The following MAP3K19 variants were observed in gnomAD, a reference collection of about 807,000 sequenced individuals.
MAP3K19 encodes mitogen-activated protein kinase kinase kinase 19.
MAP3K19 carries 91 observed loss-of-function variants against 114.4 expected under a neutral mutation model. The ratio of observed to expected loss-of-function variants is 0.80; its 90% CI spans 0.67 to 0.95. The LOEUF (loss-of-function observed/expected upper bound fraction) is 0.95, where lower values mean the gene tolerates loss of function less well. Among genes scored for constraint, MAP3K19 ranks in the 40% least tolerant of loss-of-function variants. The probability of loss-of-function intolerance (pLI) is 0.00; values close to 1 mark genes in which losing one functional copy is unlikely to be tolerated. For missense variants in MAP3K19, 1,471 were observed against 1,573.2 expected (o/e 0.94, Z 1.10); for synonymous variants, 518 against 530.5 (o/e 0.98, Z 0.32).
intron 12 of MAP3K19, among the ~76,000 whole-genome samples, chr2:134,977,644 G>A (rs1684337209): frequency 6.6e-6 from 1 of 152,026 alleles, no homozygotes; most frequent in Non-Finnish European, 1.5e-5. Context: ...TTACTGGCGT[G>A]AGCCACCGCG....
At chr2:134,973,910 C>T (rs1684044009) in intron 12 of MAP3K19, among the ~76,000 whole-genome samples, 1 of 152,168 alleles carries the variant, frequency 6.6e-6, no homozygotes, top group African/African-American at 2.4e-5. Flanking sequence ...CTGTGAAAGA[C>T]TTTCTCCATT....
chr2:134,985,884 A>C lies in MAP3K19; in HGVS notation c.2988T>G (p.Asp996Glu). 6.2e-7 allele frequency: 1 copy of C among 1,613,906 alleles called. No homozygotes were observed. The highest frequency in any genetic ancestry group is 2.2e-5 in the East Asian group (1 of 44,852). The stretch of plus-strand genomic sequence containing the variant: ...TGAGGACAAGATTTAGGTTTTCAGG[A>C]TCTGTTTCATTTGCCATTTTTTGGC... ...NSCQKMANET[D>E]PENLNLVLRW... Residue 996 changes from aspartate (D) to glutamate (E), a missense_variant, in exon 10 of 13, where the codon GAT becomes GAG. Asp to Glu is a conservative substitution (Grantham distance 45, BLOSUM62 2). Coordinates refer to ENST00000392915, the MANE Select transcript of MAP3K19 (RefSeq NM_025052.5).
In MAP3K19 at chr2:134,964,679, TGAG is replaced by T. The variant is rs1284916476; in HGVS notation, c.*168_*170del. ...ACTATGAGTAATAATGTCTGACACT[TGAG>T]GAGGCTAATATGTAACTGCAACTTT... On this transcript the variant is annotated 3_prime_UTR_variant, in exon 13 of 13. Coordinates refer to ENST00000392915, the MANE Select transcript of MAP3K19 (RefSeq NM_025052.5). 1 of 477,252 alleles carries T rather than the reference TGAG, an allele frequency of 2.1e-6. No homozygotes were observed. The highest frequency in any genetic ancestry group is 4.7e-4 in the Middle Eastern group (1 of 2,112). The allele number at this position is 477,252 out of a possible 1,614,324, so 29.6% of individuals were successfully genotyped here. A position where few individuals can be genotyped will look rare whatever the true frequency, so the allele number is the denominator to read the frequency against.
intron 3 of MAP3K19, among the ~76,000 whole-genome samples, chr2:135,030,025 G>C (rs945976431): frequency 2.6e-5 from 4 of 152,156 alleles, no homozygotes; most frequent in Non-Finnish European, 4.4e-5. Context: ...AGTTGATAGT[G>C]GTCCTCTGGA....
intron 5 of MAP3K19, 26 bp from the exon 6 acceptor site, chr2:135,005,557 C>T (rs1424555030): frequency 6.4e-7 from 1 of 1,565,008 alleles, no homozygotes; most frequent in Non-Finnish European, 8.8e-7. Context: ...ATTCAAAACT[C>T]AGTTATTAGT....
intron 3 of MAP3K19, among the ~76,000 whole-genome samples, chr2:135,026,769 A>T (rs1688266880): frequency 6.6e-6 from 1 of 152,250 alleles, no homozygotes; most frequent in African/African-American, 2.4e-5. Flanking sequence ...TTTCTGAAAT[A>T]ATTAGTAATA....
intron 6 of MAP3K19, among the ~76,000 whole-genome samples, chr2:135,001,032 G>T (rs1341010778): frequency 6.6e-6 from 1 of 151,596 alleles, no homozygotes; most frequent in Non-Finnish European, 1.5e-5. Flanking sequence ...AAGGACTTTG[G>T]ATATATTTGT....
intron 11 of MAP3K19, among the ~76,000 whole-genome samples, chr2:134,981,871 ATTTCT>A (rs1684679604): frequency 7.1e-6 from 1 of 140,708 alleles, no homozygotes; most frequent in Non-Finnish European, 1.5e-5. Context: ...TGCCTCAGAG[ATTTCT>A]TTTCTTTTTT....
chr2:135,034,676 C>T (rs923918290), intron 2 of MAP3K19, among the ~76,000 whole-genome samples: 3 of 141,310 alleles, frequency 2.1e-5, no homozygotes, highest in East Asian at 2.1e-4. Context: ...GGCGTGGTGG[C>T]GCGCTACAGG....
intron 9 of MAP3K19, among the ~76,000 whole-genome samples, chr2:134,990,288 G>A (rs1389094132): frequency 6.6e-6 from 1 of 152,078 alleles, no homozygotes. Flanking sequence ...ACCTATATGT[G>A]GATTTTCTTC....
intron 3 of MAP3K19, among the ~76,000 whole-genome samples, chr2:135,029,442 T>G (rs1247691741): frequency 2.0e-5 from 3 of 152,328 alleles, no homozygotes; most frequent in Non-Finnish European, 4.4e-5. Context: ...CACCATTAAG[T>G]AAAATACATT....
chr2:134,983,215 C>A (rs758521261), intron 11 of MAP3K19: 2 of 533,614 alleles, frequency 3.7e-6, no homozygotes, highest in Admixed American at 1.9e-5. Flanking sequence ...ATCTCTTATG[C>A]AGTTCACAAA....
Position 134,987,337 on chromosome 2 carries a change from A to G in MAP3K19, c.1535T>C (p.Ile512Thr). ...KPSLQTRKGT[I>T]HNNHSVNIPV... ...TATGTTGACACTATGGTTGTTATGA[A>G]TGGTTCCCTTTCTTGTTTGGAGGCT... The change falls in exon 10 of 13, where the codon ATT becomes ACT. Residue 512 changes from isoleucine to threonine, a missense_variant. Transcript: ENST00000392915. 1 of 1,613,990 alleles carries G rather than the reference A, an allele frequency of 6.2e-7. No homozygotes were observed. The highest frequency in any genetic ancestry group is 8.5e-7 in the Non-Finnish European group (1 of 1,180,002).
rs1391637112 is a variant in MAP3K19, at chr2:134,986,690, T to G, written c.2182A>C (p.Thr728Pro). 3 of 1,614,058 alleles carry G rather than the reference T, an allele frequency of 1.9e-6. No homozygotes were observed. The highest frequency in any genetic ancestry group is 1.7e-5 in the Admixed American group (1 of 60,004). ...QKKTHMKCPK[T>P]SFGIKQEHKV... is the part of the protein sequence containing the mutation. ...TGCTCTTGTTTAATGCCAAATGAAGTCTTTGGGCATTTCATATGTGTTTTT... is the reference window on the plus strand; with the variant it reads ...TGCTCTTGTTTAATGCCAAATGAAGGCTTTGGGCATTTCATATGTGTTTTT... The change falls in exon 10 of 13, where the codon ACT becomes CCT. Residue 728 changes from threonine (T) to proline (P), a missense_variant. Thr to Pro is a conservative substitution (Grantham distance 38). Coordinates refer to ENST00000392915, the MANE Select transcript of MAP3K19 (RefSeq NM_025052.5).
At position 135,015,412 on chromosome 2, in the gene MAP3K19, G is replaced by C. The variant is rs532635111; in HGVS notation, c.138+6303C>G. 1.6e-4 allele frequency among the ~76,000 whole-genome samples: 25 copies of C among 152,210 alleles called. No homozygotes were observed. In the South Asian group the frequency reaches 5.0e-3, roughly 30 times the overall value. ...GCCTATCTGTTCCTAATTTGTGGGA[G>C]TTTTTAAATTTTTTCTGAATGCAGG... On this transcript the variant is annotated intron_variant, in intron 5 of 12. Transcript: ENST00000392915.
intron 5 of MAP3K19, among the ~76,000 whole-genome samples, chr2:135,016,100 G>GA (rs1364952246): frequency 2.0e-5 from 3 of 151,954 alleles, no homozygotes; most frequent in African/African-American, 7.3e-5. Context: ...AAAACAAATT[G>GA]AAAAAAATTA....
intron 1 of MAP3K19, among the ~76,000 whole-genome samples, chr2:135,042,435 G>T (rs1688663535): frequency 6.7e-6 from 1 of 149,976 alleles, no homozygotes; most frequent in Non-Finnish European, 1.5e-5. Context: ...CCAGGAGGCG[G>T]AGCTTGCAGT....
rs1018598625 is a variant in MAP3K19, at chr2:135,017,812, A to G, written c.138+3903T>C. Among the ~76,000 whole-genome samples the G allele has an allele frequency of 4.6e-5, 7 of 152,118 alleles. 1 individual carries two copies. Among genetic ancestry groups the G allele is most frequent in the Admixed American group, 1.3e-4 (2 of 15,270 alleles). Reference sequence around the variant, plus strand: ...TTCTCTATCCACTTTCTGACATTTTATATTGTGACTTGGGTTTAGCAATGT... The same window carrying G: ...TTCTCTATCCACTTTCTGACATTTTGTATTGTGACTTGGGTTTAGCAATGT... On this transcript the variant is annotated intron_variant, in intron 5 of 12. Transcript: ENST00000392915.
At chr2:134,968,483 G>A (rs1374064694) in intron 12 of MAP3K19, among the ~76,000 whole-genome samples, 3 of 145,878 alleles carry the variant, frequency 2.1e-5, no homozygotes, top group African/African-American at 5.2e-5. Flanking sequence ...CTGGCCGGGC[G>A]GGGGGCTGAC....
Sources: gnomAD v4.1 joint callset for allele counts (sites outside exome capture counted in the v4.1 genomes callset) on GRCh38, gnomAD v4.1.1 for gene constraint, MANE v1.5 for transcripts, NCBI Gene and HGNC (gene_info 2026-07-23, HGNC 2026-07-21) for gene names.